TCF7L2: variants seen among roughly 807,000 people sequenced by gnomAD.
The protein encoded by TCF7L2 is transcription factor 7 like 2.
A neutral mutation model predicts 77.9 loss-of-function variants in TCF7L2; 23 were observed. That is an observed-to-expected ratio of 0.30 (90% CI 0.21 to 0.42). The LOEUF (loss-of-function observed/expected upper bound fraction) is 0.42, where lower values mean the gene tolerates loss of function less well. Among genes scored for constraint, TCF7L2 ranks in the 10% least tolerant of loss-of-function variants. The pLI is 1.00. For missense variants in TCF7L2, 654 were observed against 793.1 expected, an observed-to-expected ratio of 0.82 and a Z score of 2.11; for synonymous variants, 413 against 340.2, an observed-to-expected ratio of 1.21 and a Z score of -2.36.
intron 4 of TCF7L2, among the ~76,000 whole-genome samples, chr10:112,967,433 T>G (rs1176870852): frequency 6.6e-6 from 1 of 152,146 alleles, no homozygotes; most frequent in Non-Finnish European, 1.5e-5. Context: ...AGCTCACTGT[T>G]TATATGAATG....
intron 7 of TCF7L2, among the ~76,000 whole-genome samples, chr10:113,144,520 C>T (rs1478676272): frequency 6.6e-6 from 1 of 152,156 alleles, no homozygotes; most frequent in Non-Finnish European, 1.5e-5. Context: ...GGGATTAGGG[C>T]ATGTTCTTGT....
At chr10:113,116,600 T>A (rs1219578818) in intron 5 of TCF7L2, among the ~76,000 whole-genome samples, 2 of 152,200 alleles carry the variant, frequency 1.3e-5, no homozygotes, top group Non-Finnish European at 2.9e-5. Context: ...TTTATAAGAT[T>A]ACAAGGTAGT....
Position 112,966,184 on chromosome 10 carries a change from T to TTATATATATATATATATATATATATATA in TCF7L2, c.450+1587_450+1588insATATATATATATATATATATATATATAT, listed in dbSNP as rs141060651. On this transcript the variant is annotated intron_variant, in intron 4 of 13. Transcript: ENST00000627217. ...GAGTGAGACTCTGTCTAAAATATAT[T>TTATATATATATATATATATATATATATA]TATATATATATATATATATATATAT... 7.3e-4 allele frequency among the ~76,000 whole-genome samples: 83 copies of TTATATATATATATATATATATATATATA among 114,190 alleles called. 1 individual carries two copies. Among genetic ancestry groups the TTATATATATATATATATATATATATATA allele is most frequent in the African/African-American group, 3.6e-3 (75 of 20,986 alleles). The allele number at this position is 114,190 out of a possible 152,430, so 74.9% of individuals were successfully genotyped here. A position where few individuals can be genotyped will look rare whatever the true frequency, so the allele number is the denominator to read the frequency against.
At chr10:113,147,296 A>G (rs290489) in intron 8 of TCF7L2, among the ~76,000 whole-genome samples, 41,907 of 152,098 alleles carry the variant, frequency 0.28, 6,301 homozygotes, top group East Asian at 0.69. Context: ...AGCCAAGACC[A>G]GAGAAGGGCC....
chr10:113,013,204 C>T (rs549111128), intron 4 of TCF7L2, among the ~76,000 whole-genome samples: 6 of 151,638 alleles, frequency 4.0e-5, no homozygotes, highest in African/African-American at 1.2e-4. Flanking sequence ...CTGCAACCTC[C>T]GCCTCCCAGG....
At chr10:113,145,610 A>C (rs1222027363) in intron 7 of TCF7L2, among the ~76,000 whole-genome samples, 1 of 151,958 alleles carries the variant, frequency 6.6e-6, no homozygotes, top group Admixed American at 6.5e-5. Flanking sequence ...GCGCAACTGA[A>C]GTCCTTTGAT....
chr10:113,078,918 C>T (rs1375491645), intron 5 of TCF7L2, among the ~76,000 whole-genome samples: 3 of 151,878 alleles, frequency 2.0e-5, no homozygotes, highest in Non-Finnish European at 2.9e-5. Context: ...CTGCAACCTC[C>T]GCCTCCTGGG....
chr10:113,095,247 G>A (rs890120142), intron 5 of TCF7L2, among the ~76,000 whole-genome samples: 1 of 152,218 alleles, frequency 6.6e-6, no homozygotes. Context: ...CCCCCTTGAT[G>A]TATGTGACCC....
intron 5 of TCF7L2, among the ~76,000 whole-genome samples, chr10:113,083,836 A>G (rs545395485): frequency 6.6e-6 from 1 of 152,212 alleles, no homozygotes; most frequent in Non-Finnish European, 1.5e-5. Flanking sequence ...TGTTCCAAAG[A>G]TGTGGCATTT....
chr10:112,962,497 G>A (rs1260253976), intron 3 of TCF7L2, among the ~76,000 whole-genome samples: 1 of 152,166 alleles, frequency 6.6e-6, no homozygotes, highest in African/African-American at 2.4e-5. Context: ...ACAGTAATTA[G>A]TGCAATCTCC....
In TCF7L2 at chr10:112,951,230, C is replaced by T. The variant is rs530723966; in HGVS notation, c.213C>T (p.Arg71=). 7.6e-6 allele frequency: 12 copies of T among 1,580,736 alleles called. No individual in the cohort carries two copies. The highest frequency in any genetic ancestry group is 4.1e-5 in the African/African-American group (3 of 72,528). The change falls in exon 2 of 14, where the codon CGC becomes CGT. Residue 71 remains arginine, a synonymous_variant. Coordinates refer to ENST00000627217, the MANE Select transcript of TCF7L2 (RefSeq NM_001146274.2). ...AGGCGGAAAGACGGCCTCCGCCTCG[C>T]TCCGAAAGTTTCCGAGACAAATCCC...
intron 5 of TCF7L2, among the ~76,000 whole-genome samples, chr10:113,107,283 A>G (rs886591504): frequency 6.6e-6 from 1 of 151,984 alleles, no homozygotes; most frequent in African/African-American, 2.4e-5. Flanking sequence ...CTGAGGAGGG[A>G]GGTATGACTT....
At chr10:113,110,372 T>G (rs1263195126) in intron 5 of TCF7L2, among the ~76,000 whole-genome samples, 1 of 60,134 alleles carries the variant, frequency 1.7e-5, no homozygotes, top group Non-Finnish European at 3.6e-5. Flanking sequence ...TACTGGGGTT[T>G]TTTTTTTTTT....
chr10:113,011,285 A>G (rs1297618687), intron 4 of TCF7L2, among the ~76,000 whole-genome samples: 1 of 152,230 alleles, frequency 6.6e-6, no homozygotes, highest in African/African-American at 2.4e-5. Flanking sequence ...ACAGGGCCAT[A>G]GAGTTCTCAG....
chr10:113,137,578 C>A (rs1053385388), intron 5 of TCF7L2, among the ~76,000 whole-genome samples: 1 of 152,176 alleles, frequency 6.6e-6, no homozygotes, highest in East Asian at 1.9e-4. Flanking sequence ...CCCCTAAAAC[C>A]CTTTTAAAGG....
At chr10:112,992,388 C>G (rs1459603634) in intron 4 of TCF7L2, among the ~76,000 whole-genome samples, 2 of 152,312 alleles carry the variant, frequency 1.3e-5, no homozygotes, top group East Asian at 3.9e-4. Flanking sequence ...GACACCCAGA[C>G]CCGACAGAGA....
rs758829378 is a variant in TCF7L2, at chr10:112,964,760, A to G, written c.450+136A>G. 340 of 407,436 alleles carry G rather than the reference A, an allele frequency of 8.3e-4. 2 individuals carry two copies. The African/African-American group carries it at 8.4e-3, about 10-fold the overall frequency. 25.2% of individuals were successfully genotyped at this position (407,436 alleles called of 1,614,324 possible). ...GATGATGGTGGTGGTGGTGGTGGTG[A>G]TGGTGGTGGTGGTGGTGATGGTGGT... On this transcript the variant is annotated intron_variant, in intron 4 of 13. Transcript: ENST00000627217.
At chr10:113,047,870 C>T (rs938201301) in intron 5 of TCF7L2, among the ~76,000 whole-genome samples, 9 of 152,138 alleles carry the variant, frequency 5.9e-5, no homozygotes, top group Admixed American at 3.9e-4. Context: ...AAGCTGGGGC[C>T]TGTTGTGCTT....
At chr10:113,084,908 C>CT in intron 5 of TCF7L2, among the ~76,000 whole-genome samples, 1 of 150,080 alleles carries the variant, frequency 6.7e-6, no homozygotes, top group African/African-American at 2.5e-5. Flanking sequence ...GCCACCCCCC[C>CT]CCAAAAAAAA....
Sources: allele counts gnomAD v4.1 joint callset (sites outside exome capture counted in the v4.1 genomes callset), GRCh38; gene constraint gnomAD v4.1.1; transcripts MANE v1.5; gene names NCBI Gene and HGNC (gene_info 2026-07-23, HGNC 2026-07-21).